The following TBCD variants were observed in gnomAD, a reference collection of about 807,000 sequenced individuals.
The protein encoded by TBCD is tubulin-specific chaperone D.
A neutral mutation model predicts 169.3 loss-of-function variants in TBCD; 105 were observed. The observed-to-expected ratio is 0.62, with a 90% CI of 0.53 to 0.73. The LOEUF (loss-of-function observed/expected upper bound fraction) is 0.73, where lower values mean the gene tolerates loss of function less well. Among genes scored for constraint, TBCD ranks in the 30% least tolerant of loss-of-function variants. TBCD has a pLI of 0.00. For synonymous variants in TBCD, 700 were observed against 643.9 expected (o/e 1.09, Z -1.32); for missense variants, 1,444 against 1,600.1 (o/e 0.90, Z 1.66).
intron 22 of TBCD, 71 bp downstream of exon 22, chr17:82,909,378 G>T: frequency 7.4e-7 from 1 of 1,346,694 alleles, no homozygotes. Context: ...GAGCAGGCGG[G>T]GCGGGTGTGT....
chr17:82,878,717 A>G (rs1368926748), intron 14 of TBCD, among the ~76,000 whole-genome samples: 2 of 152,194 alleles, frequency 1.3e-5, no homozygotes, highest in Non-Finnish European at 2.9e-5. Flanking sequence ...AGGTTATGCA[A>G]CATCCTGCTG....
In TBCD at chr17:82,884,537, G is replaced by A. The variant is rs941238652; in HGVS notation, c.1533+335G>A. On this transcript the variant is annotated intron_variant, in intron 15 of 38. Transcript: ENST00000355528. The surrounding 1 kb of genome is among the most constrained non-coding windows in gnomAD (Gnocchi z 4.2). ...AGACGCAGAAGAGAGTGGGTTCTGCGAGGGTGGCCAGAATGTGGCGGCGGG... is the reference window on the plus strand; with the variant it reads ...AGACGCAGAAGAGAGTGGGTTCTGCAAGGGTGGCCAGAATGTGGCGGCGGG... Among the ~76,000 whole-genome samples, 3 of 152,204 alleles carry A rather than the reference G, an allele frequency of 2.0e-5. No individual in the cohort carries two copies. The highest frequency in any genetic ancestry group is 1.9e-4 in the East Asian group (1 of 5,200).
chr17:82,816,676 G>A (rs1347385259), intron 13 of TBCD, among the ~76,000 whole-genome samples: 2 of 151,794 alleles, frequency 1.3e-5, no homozygotes, highest in South Asian at 2.1e-4. Context: ...TGGGACCACC[G>A]GTGCCCACCA....
At chr17:82,857,817 G>A (rs993852175) in intron 13 of TBCD, among the ~76,000 whole-genome samples, 2 of 148,278 alleles carry the variant, frequency 1.3e-5, no homozygotes, top group Non-Finnish European at 3.0e-5. Flanking sequence ...AAGTTTTAGG[G>A]TACATGTGCA....
At chr17:82,849,177 C>T (rs1296258500) in intron 13 of TBCD, among the ~76,000 whole-genome samples, 8 of 82,936 alleles carry the variant, frequency 9.6e-5, no homozygotes, top group East Asian at 3.9e-4. Context: ...CCCCCTCTGC[C>T]TGCTGCGTCT....
At chr17:82,838,078 C>T (rs746903277) in intron 13 of TBCD, among the ~76,000 whole-genome samples, 36 of 152,340 alleles carry the variant, frequency 2.4e-4, no homozygotes, top group Non-Finnish European at 3.8e-4. Context: ...GCTGAGAGCT[C>T]GCTTCTCTTC....
intron 37 of TBCD, among the ~76,000 whole-genome samples, chr17:82,940,987 G>A (rs2147623889): frequency 6.6e-6 from 1 of 152,244 alleles, no homozygotes; most frequent in Admixed American, 6.5e-5. Flanking sequence ...AATTTAAAGA[G>A]AATATTTTAA....
chr17:82,934,888 C>T (rs989337511), intron 34 of TBCD, among the ~76,000 whole-genome samples: 4 of 152,266 alleles, frequency 2.6e-5, no homozygotes, highest in Middle Eastern at 3.4e-3. Flanking sequence ...CACTTGAGCT[C>T]CGGAGTTTGA....
At chr17:82,854,473 G>A (rs934511363) in intron 13 of TBCD, among the ~76,000 whole-genome samples, 12 of 152,248 alleles carry the variant, frequency 7.9e-5, no homozygotes, top group Non-Finnish European at 1.6e-4. Context: ...CGCACCGCTC[G>A]TGTGTTTGCG....
chr17:82,928,943 C>A (rs975421162), intron 30 of TBCD, among the ~76,000 whole-genome samples, 170 bp from the exon 31 acceptor site: 1 of 152,116 alleles, frequency 6.6e-6, no homozygotes, highest in Non-Finnish European at 1.5e-5. Flanking sequence ...GTGGTTCTTC[C>A]GAGCCAGTGT....
At chr17:82,932,760 C>G (rs372718064) in intron 34 of TBCD, 25 bp downstream of exon 34, 49 of 1,611,788 alleles carry the variant, frequency 3.0e-5, no homozygotes, top group Non-Finnish European at 3.9e-5. Flanking sequence ...TTCATGACTT[C>G]CTTTCCGATT....
At chr17:82,908,838 G>A (rs1305380203) in intron 21 of TBCD, among the ~76,000 whole-genome samples, 1 of 152,208 alleles carries the variant, frequency 6.6e-6, no homozygotes, top group Non-Finnish European at 1.5e-5. Context: ...TTAAAGAATT[G>A]AGGAGAATTT....
chr17:82,756,479 T>G (rs2047408585), intron 2 of TBCD, among the ~76,000 whole-genome samples: 1 of 151,984 alleles, frequency 6.6e-6, no homozygotes, highest in East Asian at 1.9e-4. Context: ...GTGTTTTTTT[T>G]GTTTTTTTTT....
intron 13 of TBCD, among the ~76,000 whole-genome samples, chr17:82,836,362 G>A (rs1460976029): frequency 6.6e-6 from 1 of 152,236 alleles, no homozygotes; most frequent in African/African-American, 2.4e-5. Context: ...GGATCTGAAA[G>A]CTGATGATTT....
intron 1 of TBCD, among the ~76,000 whole-genome samples, chr17:82,754,730 TCACTTTTGCAAAGG>T (rs1012484417): frequency 6.6e-6 from 1 of 152,192 alleles, no homozygotes; most frequent in Non-Finnish European, 1.5e-5. Context: ...TCCTCACAGA[TCACTTTTGCAAAGG>T]CAGTTTTGCT....
intron 14 of TBCD, among the ~76,000 whole-genome samples, chr17:82,881,897 C>T (rs1158764477): frequency 6.6e-6 from 1 of 152,076 alleles, no homozygotes; most frequent in African/African-American, 2.4e-5. Context: ...TTCTCTCTCT[C>T]TCTGTCTCTC....
In TBCD at chr17:82,889,913, G is replaced by A. The variant is rs1181136554; in HGVS notation, c.1563+216G>A. Among the ~76,000 whole-genome samples the A allele has an allele frequency of 1.3e-5, 2 of 152,228 alleles. No individual in the cohort carries two copies. Among genetic ancestry groups the A allele is most frequent in the Admixed American group, 6.5e-5 (1 of 15,290 alleles). On this transcript the variant is annotated intron_variant, in intron 16 of 38. Coordinates refer to ENST00000355528, the MANE Select transcript of TBCD (RefSeq NM_005993.5). This position sits in a 1 kb window ranked among gnomAD's most constrained non-coding sequence, Gnocchi z 5.3. Reference sequence around the variant, plus strand: ...GTACAGTAATTTACACACACAGGCCGGAAAGCTGTGCTTTACACGTTGCCA... The same window carrying A: ...GTACAGTAATTTACACACACAGGCCAGAAAGCTGTGCTTTACACGTTGCCA...
rs151179164 is a variant in TBCD, at chr17:82,830,330, C to T, written c.1318+15396C>T. 6.7e-5 allele frequency: 108 copies of T among 1,613,904 alleles called. No individual in the cohort carries two copies. The African/African-American group carries it at 1.3e-3, about 19-fold the overall frequency. On this transcript the variant is annotated intron_variant, in intron 13 of 38. Coordinates refer to ENST00000355528, the MANE Select transcript of TBCD (RefSeq NM_005993.5). ...AGTGTGGGTGTGTCTTGCCGGCAGG[C>T]AGGTTCCGGGGCCGCAGCATCCCCA... is the stretch of plus-strand genomic sequence containing the variant.
chr17:82,816,954 G>A (rs182673431), intron 13 of TBCD, among the ~76,000 whole-genome samples: 286 of 151,118 alleles, frequency 1.9e-3, no homozygotes, highest in African/African-American at 6.0e-3. Context: ...AGCATTTTCT[G>A]TGTTTGCCCG....
Sources: allele counts gnomAD v4.1 joint callset (sites outside exome capture counted in the v4.1 genomes callset), GRCh38; gene constraint gnomAD v4.1.1; non-coding constraint Gnocchi (gnomAD v3.1); transcripts MANE v1.5; gene names NCBI Gene and HGNC (gene_info 2026-07-23, HGNC 2026-07-21).